The following BRINP3 variants were observed in gnomAD, a reference collection of about 807,000 sequenced individuals.
The protein encoded by BRINP3 is BMP/retinoic acid inducible neural specific 3, also known as BMP/retinoic acid-inducible neural-specific protein 3.
BRINP3 carries 19 observed loss-of-function variants against 71.0 expected under a neutral mutation model. The ratio of observed to expected loss-of-function variants is 0.27; its 90% CI spans 0.19 to 0.39. The LOEUF (loss-of-function observed/expected upper bound fraction) is 0.39. Ranked by LOEUF, BRINP3 falls within the 10% of genes least tolerant of loss-of-function variation. The probability of loss-of-function intolerance (pLI) is 1.00; values close to 1 mark genes in which losing one functional copy is unlikely to be tolerated. For missense variants in BRINP3, 959 were observed against 940.8 expected (o/e 1.02, Z -0.25); for synonymous variants, 380 against 337.7 (o/e 1.13, Z -1.37).
chr1:190,439,085 T>A (rs1674650539), intron 2 of BRINP3, among the ~76,000 whole-genome samples: 1 of 151,900 alleles, frequency 6.6e-6, no homozygotes, highest in African/African-American at 2.4e-5. Context: ...TGTGTCTATG[T>A]GGGAGATGAC....
At position 190,453,203 on chromosome 1, in the gene BRINP3, ATTTTTTTTTT is replaced by A. The variant is rs1190785225; in HGVS notation, c.236+1442_236+1451del. Among the ~76,000 whole-genome samples, 120 of 40,902 alleles carry A rather than the reference ATTTTTTTTTT, an allele frequency of 2.9e-3. 1 individual carries two copies. The highest frequency in any genetic ancestry group is 5.5e-3 in the African/African-American group (56 of 10,164). 26.8% of individuals were successfully genotyped at this position (40,902 alleles called of 152,430 possible). A position where few individuals can be genotyped will look rare whatever the true frequency, so the allele number is the denominator to read the frequency against. On this transcript the variant is annotated intron_variant, in intron 2 of 7. Coordinates refer to ENST00000367462, the MANE Select transcript of BRINP3 (RefSeq NM_199051.3). Reference sequence around the variant, plus strand: ...ACTTTTCAGAAAGAAAAACTTTAGTATTTTTTTTTTTTTTTTTTTTTTTTTTTTTTTTTTT... The same window carrying A: ...ACTTTTCAGAAAGAAAAACTTTAGTATTTTTTTTTTTTTTTTTTTTTTTTT...
At chr1:190,158,638 T>C (rs1018153999) in intron 7 of BRINP3, among the ~76,000 whole-genome samples, 1 of 152,032 alleles carries the variant, frequency 6.6e-6, no homozygotes, top group Admixed American at 6.6e-5. Context: ...AAAAGAATGT[T>C]TTATTCCCAA....
chr1:190,137,925 C>G (rs1194403797), intron 7 of BRINP3, among the ~76,000 whole-genome samples: 1 of 151,800 alleles, frequency 6.6e-6, no homozygotes, highest in African/African-American at 2.4e-5. Context: ...CCTGACTTTA[C>G]AGAAATTATG....
At chr1:190,411,467 A>G (rs1446346744) in intron 2 of BRINP3, among the ~76,000 whole-genome samples, 1 of 152,206 alleles carries the variant, frequency 6.6e-6, no homozygotes, top group Non-Finnish European at 1.5e-5. Context: ...CACAATGCAA[A>G]CAGTGATTCT....
intron 1 of BRINP3, among the ~76,000 whole-genome samples, chr1:190,463,425 A>C (rs1173751273): frequency 1.3e-5 from 2 of 151,660 alleles, no homozygotes; most frequent in Non-Finnish European, 3.0e-5. Flanking sequence ...GAAAATTCAG[A>C]ACTACAACTA....
chr1:190,275,325 A>C (rs1184182371), intron 3 of BRINP3, among the ~76,000 whole-genome samples: 1 of 151,568 alleles, frequency 6.6e-6, no homozygotes, highest in African/African-American at 2.4e-5. Flanking sequence ...AGAACAGTTG[A>C]TTATACCTTA....
At chr1:190,428,809 AT>A (rs1406811362) in intron 2 of BRINP3, among the ~76,000 whole-genome samples, 7 of 152,120 alleles carry the variant, frequency 4.6e-5, no homozygotes, top group Non-Finnish European at 8.8e-5. Flanking sequence ...GTCAACTAAA[AT>A]AATACTAATA....
intron 2 of BRINP3, among the ~76,000 whole-genome samples, chr1:190,338,540 G>A (rs1026105519): frequency 2.6e-5 from 4 of 151,982 alleles, no homozygotes; most frequent in Non-Finnish European, 4.4e-5. Flanking sequence ...ATTAAGAAAT[G>A]TTTGTAGACC....
chr1:190,281,807 T>A (rs1319376561), intron 2 of BRINP3, 57 bp from the exon 3 acceptor site: 1 of 1,504,522 alleles, frequency 6.6e-7, no homozygotes, highest in Non-Finnish European at 9.0e-7. Context: ...ATGTTTTCAT[T>A]TGAGTTCACT....
chr1:190,148,458 T>A (rs1656093840), intron 7 of BRINP3, among the ~76,000 whole-genome samples: 1 of 150,554 alleles, frequency 6.6e-6, no homozygotes. Context: ...TAGCCGGGCG[T>A]GGTGGCGGGC....
chr1:190,398,937 G>A (rs1487919219), intron 2 of BRINP3, among the ~76,000 whole-genome samples: 1 of 151,884 alleles, frequency 6.6e-6, no homozygotes, highest in Non-Finnish European at 1.5e-5. Flanking sequence ...CCTCCCCTGA[G>A]ATACCCGTCT....
intron 6 of BRINP3, among the ~76,000 whole-genome samples, chr1:190,200,244 C>T (rs943432604): frequency 1.9e-4 from 29 of 151,932 alleles, no homozygotes; most frequent in Non-Finnish European, 4.3e-4. Context: ...GCACCTCTTC[C>T]TCAATAAATA....
intron 4 of BRINP3, among the ~76,000 whole-genome samples, chr1:190,249,614 T>G (rs2102808217): frequency 6.6e-6 from 1 of 151,942 alleles, no homozygotes; most frequent in Admixed American, 6.6e-5. Flanking sequence ...AATTTCCAGG[T>G]TTACATCATC....
chr1:190,187,083 T>C (rs1175553127), intron 6 of BRINP3, among the ~76,000 whole-genome samples: 1 of 152,130 alleles, frequency 6.6e-6, no homozygotes, highest in Non-Finnish European at 1.5e-5. Flanking sequence ...AACCCCTGGG[T>C]GAAGTACTAT....
rs537501366 is a variant in BRINP3 at position 190,204,199 on chromosome 1, A to T, written c.961+21883T>A. Among the ~76,000 whole-genome samples the T allele has an allele frequency of 1.6e-4, 25 of 152,034 alleles. No homozygotes were observed. The East Asian group carries it at 4.9e-3, about 30-fold the overall frequency. On this transcript the variant is annotated intron_variant, in intron 6 of 7. Transcript: ENST00000367462. The stretch of plus-strand genomic sequence containing the variant: ...CTTACCCACTCCAGAAAAACTTTGT[A>T]AAATAAATAAGACCTGAGCTGATTT...
At position 190,401,530 on chromosome 1, in the gene BRINP3, G is replaced by C. The variant is rs765706295; in HGVS notation, c.236+53125C>G. Among the ~76,000 whole-genome samples the C allele has an allele frequency of 4.8e-4, 73 of 152,006 alleles. 1 individual carries two copies. Among genetic ancestry groups the C allele is most frequent in the African/African-American group, 1.6e-3 (68 of 41,352 alleles). On this transcript the variant is annotated intron_variant, in intron 2 of 7. Coordinates refer to ENST00000367462, the MANE Select transcript of BRINP3 (RefSeq NM_199051.3). ...AGTGTGATACATGAGCTAGTAAGGAGAGCATCACCAGGAGCTTAATAAAAA... is the reference window on the plus strand; with the variant it reads ...AGTGTGATACATGAGCTAGTAAGGACAGCATCACCAGGAGCTTAATAAAAA...
intron 2 of BRINP3, among the ~76,000 whole-genome samples, chr1:190,349,183 T>C (rs1668211929): frequency 6.6e-6 from 1 of 152,068 alleles, no homozygotes; most frequent in Non-Finnish European, 1.5e-5. Context: ...GCTGCCTTAG[T>C]CTAGAGCTTA....
intron 2 of BRINP3, among the ~76,000 whole-genome samples, chr1:190,287,006 G>T (rs1292024760): frequency 3.3e-5 from 5 of 151,350 alleles, no homozygotes; most frequent in African/African-American, 9.7e-5. Context: ...ATCACTTCAG[G>T]TCAGGAGTTC....
At chr1:190,248,586 C>T (rs959606069) in intron 4 of BRINP3, among the ~76,000 whole-genome samples, 2 of 151,434 alleles carry the variant, frequency 1.3e-5, no homozygotes, top group African/African-American at 4.8e-5. Context: ...CAGGAAAAGA[C>T]TTTTGTATGT....
Sources: allele counts gnomAD v4.1 joint callset (sites outside exome capture counted in the v4.1 genomes callset), GRCh38; gene constraint gnomAD v4.1.1; transcripts MANE v1.5; gene names NCBI Gene and HGNC (gene_info 2026-07-23, HGNC 2026-07-21).